Variants in FBXO17 observed in about 807,000 individuals in gnomAD.
FBXO17 encodes F-box only protein 17.
In FBXO17, 43 loss-of-function variants were observed where a neutral mutation model predicts 34.1. The ratio of observed to expected loss-of-function variants is 1.26; its 90% CI spans 0.99 to 1.62. The LOEUF is 1.62. Among genes scored for constraint, FBXO17 ranks in the 40% most tolerant of loss-of-function variants. The pLI, the probability that FBXO17 is intolerant of heterozygous loss-of-function variation, is 0.00. For missense variants in FBXO17, 424 were observed against 386.7 expected, an observed-to-expected ratio of 1.10 and a Z score of -0.81; for synonymous variants, 169 against 166.0, an observed-to-expected ratio of 1.02 and a Z score of -0.14.
intron 1 of FBXO17, among the ~76,000 whole-genome samples, chr19:38,969,433 A>G (rs978699372): frequency 1.4e-5 from 2 of 147,014 alleles, no homozygotes; most frequent in South Asian, 2.2e-4. Flanking sequence ...CAGAGACTCC[A>G]TCTCCAAAAA....
intron 1 of FBXO17, among the ~76,000 whole-genome samples, chr19:38,962,902 G>T (rs1224787127): frequency 6.6e-6 from 1 of 151,884 alleles, no homozygotes; most frequent in Non-Finnish European, 1.5e-5. Context: ...AGTAGGGACG[G>T]GGTTTCACCA....
intron 1 of FBXO17, among the ~76,000 whole-genome samples, chr19:38,954,056 A>G (rs1284166551): frequency 6.6e-6 from 1 of 152,128 alleles, no homozygotes; most frequent in Non-Finnish European, 1.5e-5. Flanking sequence ...AGGGGATCAG[A>G]GAAATGTCAT....
chr19:38,946,885 C>T (rs1974992274), intron 3 of FBXO17: 1 of 330,990 alleles, frequency 3.0e-6, no homozygotes. Context: ...TCTGTGGCCT[C>T]CTAAAGTGTG....
At chr19:38,963,801 G>T (rs537872068) in intron 1 of FBXO17, among the ~76,000 whole-genome samples, 59 of 132,156 alleles carry the variant, frequency 4.5e-4, no homozygotes, top group African/African-American at 1.3e-3. Flanking sequence ...TTTTTTTTTT[G>T]GAGACAGAGT....
rs981760376 is a variant in FBXO17, at chr19:38,942,226, T to C, written c.*382A>G. 5 of 152,722 alleles carry C rather than the reference T, an allele frequency of 3.3e-5. No individual in the cohort carries two copies. Among genetic ancestry groups the C allele is most frequent in the African/African-American group, 1.2e-4 (5 of 40,972 alleles). 9.5% of individuals were successfully genotyped at this position (152,722 alleles called of 1,614,324 possible). On this transcript the variant is annotated 3_prime_UTR_variant, in exon 6 of 6. Transcript: ENST00000292852. ...AGCCACCTGGGAGCCCTACTGTCCCTGGGTATCCTCTGGCTTCTGGCTGCA... is the reference window on the plus strand; with the variant it reads ...AGCCACCTGGGAGCCCTACTGTCCCCGGGTATCCTCTGGCTTCTGGCTGCA...
At chr19:38,957,556 G>C (rs558595777) in intron 1 of FBXO17, among the ~76,000 whole-genome samples, 2 of 152,258 alleles carry the variant, frequency 1.3e-5, no homozygotes, top group East Asian at 1.9e-4. Context: ...ATGTTGGCCA[G>C]GCTGGTCTTG....
At chr19:38,969,278 C>T (rs1333400900) in intron 1 of FBXO17, among the ~76,000 whole-genome samples, 2 of 151,318 alleles carry the variant, frequency 1.3e-5, no homozygotes, top group Non-Finnish European at 2.9e-5. Flanking sequence ...GTGAGACCCC[C>T]GTCTCTACAA....
Position 38,950,113 on chromosome 19 carries a change from G to A in FBXO17, c.207C>T (p.Ala69=). ...WLLQLARDRS[A]EGRALYAVAQ... ...CCACTGCGTAGAGTGCGCGGCCCTC[G>A]GCGCTGCGGTCGCGGGCCAGCTGCA... Residue 69 remains alanine (A), a synonymous_variant, in exon 2 of 6, where the codon GCC becomes GCT. Transcript: ENST00000292852. 6.4e-7 allele frequency: 1 copy of A among 1,561,988 alleles called. No homozygotes were observed. Among genetic ancestry groups the A allele is most frequent in the East Asian group, 2.4e-5 (1 of 41,616 alleles).
intron 5 of FBXO17, 178 bp downstream of exon 5, chr19:38,944,791 A>C: frequency 1.2e-6 from 1 of 836,616 alleles, no homozygotes; most frequent in Non-Finnish European, 1.8e-6. Context: ...TTGCTAATGA[A>C]ATGAATCGAT....
chr19:38,959,537 G>A (rs887971627), intron 1 of FBXO17, among the ~76,000 whole-genome samples: 3 of 151,494 alleles, frequency 2.0e-5, no homozygotes, highest in Admixed American at 6.6e-5. Context: ...AGCCCACCTT[G>A]GCCTCCCAAA....
At chr19:38,974,040 ATAT>A (rs1040329525) in intron 1 of FBXO17, among the ~76,000 whole-genome samples, 11 of 147,658 alleles carry the variant, frequency 7.4e-5, no homozygotes, top group Non-Finnish European at 1.3e-4. Flanking sequence ...ATACATATAT[ATAT>A]ATACACATAT....
intron 1 of FBXO17, among the ~76,000 whole-genome samples, chr19:38,963,676 TTTATCCACTCAG>T (rs1975283147): frequency 6.6e-6 from 1 of 152,198 alleles, no homozygotes; most frequent in African/African-American, 2.4e-5. Flanking sequence ...CTACAACCTG[TTTATCCACTCAG>T]TATGATGGAC....
At chr19:38,948,178 G>A (rs1231344521) in intron 3 of FBXO17, among the ~76,000 whole-genome samples, 1 of 151,666 alleles carries the variant, frequency 6.6e-6, no homozygotes, top group East Asian at 2.0e-4. Context: ...GTTTCCCCCT[G>A]TTGGCCAGGC....
intron 1 of FBXO17, among the ~76,000 whole-genome samples, chr19:38,973,420 C>T (rs1975415975): frequency 6.6e-6 from 1 of 152,126 alleles, no homozygotes; most frequent in Admixed American, 6.6e-5. Context: ...ACAATTTCCC[C>T]TGCTGTCTCT....
chr19:38,972,086 T>C (rs1489686388), intron 1 of FBXO17, among the ~76,000 whole-genome samples: 1 of 152,104 alleles, frequency 6.6e-6, no homozygotes, highest in African/African-American at 2.4e-5. Context: ...AAAGACAAAA[T>C]TACAACAAAT....
intron 5 of FBXO17, among the ~76,000 whole-genome samples, chr19:38,943,185 T>C (rs1279277499): frequency 6.8e-6 from 1 of 148,102 alleles, no homozygotes; most frequent in African/African-American, 2.5e-5. Flanking sequence ...GGGCAGATCA[T>C]GGCCTTGTGG....
Position 38,942,416 on chromosome 19 carries a change from A to T in FBXO17, c.*192T>A. The T allele has an allele frequency of 2.0e-6, 1 of 498,572 alleles. No homozygotes were observed. Among genetic ancestry groups the T allele is most frequent in the Non-Finnish European group, 3.2e-6 (1 of 308,894 alleles). 30.9% of individuals were successfully genotyped at this position (498,572 alleles called of 1,614,324 possible). A position where few individuals can be genotyped will look rare whatever the true frequency, so the allele number is the denominator to read the frequency against. On this transcript the variant is annotated 3_prime_UTR_variant, in exon 6 of 6. Coordinates refer to ENST00000292852, the MANE Select transcript of FBXO17 (RefSeq NM_024907.7). ...AGCTGGGACTACAGGCGGCACCACC[A>T]TGCCTGGCTAATTTTTTAAAAATTA...
chr19:38,948,736 C>T (rs1975026205), intron 2 of FBXO17, 58 bp from the exon 3 acceptor site: 3 of 1,483,398 alleles, frequency 2.0e-6, no homozygotes, highest in South Asian at 1.2e-5. Flanking sequence ...CAGAAGAGAC[C>T]CCGCAACCAG....
chr19:38,959,271 CTTTCTTTCTTTCTTT>C (rs1684348537), intron 1 of FBXO17, among the ~76,000 whole-genome samples: 1 of 67,994 alleles, frequency 1.5e-5, no homozygotes, highest in African/African-American at 9.2e-5. Context: ...GTCTTTCTTT[CTTTCTTTCTTTCTTT>C]TTTTTTTTTT....
Sources: allele counts gnomAD v4.1 joint callset (sites outside exome capture counted in the v4.1 genomes callset), GRCh38; gene constraint gnomAD v4.1.1; transcripts MANE v1.5; gene names NCBI Gene and HGNC (gene_info 2026-07-23, HGNC 2026-07-21).